Variants in MAN2A1 observed in about 807,000 individuals in gnomAD.
MAN2A1 encodes alpha-mannosidase 2.
MAN2A1 carries 76 observed loss-of-function variants against 142.6 expected under a neutral mutation model. The observed-to-expected ratio is 0.53, with a 90% CI of 0.44 to 0.65. The LOEUF (loss-of-function observed/expected upper bound fraction) is 0.65, where lower values mean the gene tolerates loss of function less well. MAN2A1 is among the 30% of genes least tolerant of loss of function. MAN2A1 has a pLI of 0.00. For missense variants in MAN2A1, 1,311 were observed against 1,365.1 expected (o/e 0.96, Z 0.62); for synonymous variants, 559 against 473.2 (o/e 1.18, Z -2.35).
chr5:109,730,167 T>A (rs1751864227), intron 4 of MAN2A1, among the ~76,000 whole-genome samples: 1 of 152,200 alleles, frequency 6.6e-6, no homozygotes, highest in African/African-American at 2.4e-5. Context: ...TGCTTTTTAG[T>A]CAGCAATATA....
intron 5 of MAN2A1, among the ~76,000 whole-genome samples, chr5:109,759,954 T>TAG (rs1439535943): frequency 4.1e-4 from 12 of 29,108 alleles, no homozygotes; most frequent in Admixed American, 8.9e-4. Context: ...TTGCTATATA[T>TAG]ATATATATAT....
chr5:109,738,518 T>G (rs1179370413), intron 4 of MAN2A1, among the ~76,000 whole-genome samples: 1 of 152,154 alleles, frequency 6.6e-6, no homozygotes, highest in Non-Finnish European at 1.5e-5. Flanking sequence ...GCTTGGTGGT[T>G]CTAAAGGCTG....
chr5:109,735,511 C>T lies in MAN2A1; in HGVS notation c.707+5998C>T, dbSNP rs371919192. 2.8e-4 allele frequency among the ~76,000 whole-genome samples: 43 copies of T among 152,142 alleles called. 1 individual carries two copies. In the East Asian group the frequency reaches 3.7e-3, roughly 13 times the overall value. On this transcript the variant is annotated intron_variant, in intron 4 of 21. Coordinates refer to ENST00000261483, the MANE Select transcript of MAN2A1 (RefSeq NM_002372.4). Reference sequence around the variant, plus strand: ...GGCATGATTTTGCAGTGGCTGGTACCGGTTGTTCCTTTCCATGTTTAGTGC... The same window carrying T: ...GGCATGATTTTGCAGTGGCTGGTACTGGTTGTTCCTTTCCATGTTTAGTGC...
At chr5:109,732,772 A>C (rs1751955297) in intron 4 of MAN2A1, among the ~76,000 whole-genome samples, 1 of 152,044 alleles carries the variant, frequency 6.6e-6, no homozygotes, top group South Asian at 2.1e-4. Context: ...GTAGCCTTGT[A>C]GTATAGTTTG....
intron 5 of MAN2A1, among the ~76,000 whole-genome samples, chr5:109,760,405 C>G (rs1450994958): frequency 1.3e-5 from 2 of 152,090 alleles, no homozygotes; most frequent in African/African-American, 4.8e-5. Flanking sequence ...TGGGTTGGTT[C>G]CAAGTCTTTG....
intron 12 of MAN2A1, among the ~76,000 whole-genome samples, chr5:109,789,772 T>C (rs963419678): frequency 4.6e-5 from 7 of 151,854 alleles, no homozygotes; most frequent in Admixed American, 6.6e-5. Context: ...AGGTATAGCA[T>C]GATAAATATA....
chr5:109,826,135 A>G (rs977208364), intron 16 of MAN2A1, among the ~76,000 whole-genome samples: 5 of 150,622 alleles, frequency 3.3e-5, no homozygotes, highest in African/African-American at 1.2e-4. Flanking sequence ...CGAACTCTTG[A>G]CCTCAGGTAA....
chr5:109,731,405 C>T (rs192473566), intron 4 of MAN2A1, among the ~76,000 whole-genome samples: 1 of 150,992 alleles, frequency 6.6e-6, no homozygotes, highest in East Asian at 2.0e-4. Flanking sequence ...TACATGTGCA[C>T]AATGTTCAGG....
intron 16 of MAN2A1, among the ~76,000 whole-genome samples, chr5:109,838,235 C>T (rs1457565284): frequency 6.6e-6 from 1 of 152,150 alleles, no homozygotes; most frequent in Non-Finnish European, 1.5e-5. Flanking sequence ...GATAAACAAA[C>T]TCCATTCTCT....
intron 17 of MAN2A1, among the ~76,000 whole-genome samples, chr5:109,844,462 T>G (rs1384687545): frequency 6.6e-6 from 1 of 152,210 alleles, no homozygotes; most frequent in Non-Finnish European, 1.5e-5. Flanking sequence ...AGAGAATTCT[T>G]TTAAGGTAGC....
chr5:109,781,363 A>G (rs2112666431), intron 8 of MAN2A1, 33 bp from the exon 9 acceptor site: 1 of 1,264,054 alleles, frequency 7.9e-7, no homozygotes, highest in Non-Finnish European at 1.1e-6. Flanking sequence ...TTAAGATAGA[A>G]TGAATAATTG....
At chr5:109,838,615 T>A (rs946356149) in intron 16 of MAN2A1, among the ~76,000 whole-genome samples, 2 of 152,214 alleles carry the variant, frequency 1.3e-5, no homozygotes, top group African/African-American at 2.4e-5. Flanking sequence ...CTCTTTCACA[T>A]ATACTGATCT....
At chr5:109,709,827 A>G (rs1040161713) in intron 1 of MAN2A1, among the ~76,000 whole-genome samples, 2 of 152,224 alleles carry the variant, frequency 1.3e-5, no homozygotes, top group African/African-American at 4.8e-5. Flanking sequence ...ATCAAAGAAT[A>G]AAGTAGTTTT....
chr5:109,853,208 T>C (rs889777401), intron 19 of MAN2A1, among the ~76,000 whole-genome samples: 8 of 152,170 alleles, frequency 5.3e-5, no homozygotes, highest in Non-Finnish European at 8.8e-5. Context: ...AGCTCTGTTT[T>C]CTCTATAAGA....
intron 1 of MAN2A1, among the ~76,000 whole-genome samples, chr5:109,691,350 G>A (rs1211094604): frequency 1.3e-5 from 2 of 152,234 alleles, no homozygotes; most frequent in Non-Finnish European, 2.9e-5. Flanking sequence ...GCATGTGCGA[G>A]TTCAGTTTCA....
At chr5:109,745,960 C>T (rs1752392820) in intron 4 of MAN2A1, among the ~76,000 whole-genome samples, 1 of 152,070 alleles carries the variant, frequency 6.6e-6, no homozygotes, top group African/African-American at 2.4e-5. Flanking sequence ...TTTTAAGCTA[C>T]AGTTCTGTTA....
intron 12 of MAN2A1, among the ~76,000 whole-genome samples, chr5:109,798,640 T>C (rs1011603309): frequency 6.6e-6 from 1 of 152,172 alleles, no homozygotes; most frequent in Non-Finnish European, 1.5e-5. Flanking sequence ...TCCAAACACA[T>C]GCTAGACCTT....
intron 16 of MAN2A1, among the ~76,000 whole-genome samples, chr5:109,834,532 A>T (rs548284304): frequency 5.9e-4 from 90 of 152,288 alleles, no homozygotes; most frequent in African/African-American, 2.0e-3. Flanking sequence ...TCTTTACCCA[A>T]CATTTGCAAT....
intron 12 of MAN2A1, among the ~76,000 whole-genome samples, chr5:109,793,204 C>G (rs1240054064): frequency 3.3e-5 from 5 of 152,102 alleles, no homozygotes; most frequent in East Asian, 1.9e-4. Context: ...TGTCCAAAGT[C>G]TCATCCCATT....
Sources: allele counts gnomAD v4.1 joint callset (sites outside exome capture counted in the v4.1 genomes callset), GRCh38; gene constraint gnomAD v4.1.1; transcripts MANE v1.5; gene names NCBI Gene and HGNC (gene_info 2026-07-23, HGNC 2026-07-21).